KCTD17: variants seen among roughly 807,000 people sequenced by gnomAD.
The protein encoded by KCTD17 is BTB/POZ domain-containing protein KCTD17.
In KCTD17, 20 loss-of-function variants were observed where a neutral mutation model predicts 41.5. The observed-to-expected ratio is 0.48, with a 90% CI of 0.34 to 0.70. The LOEUF is 0.70. Ranked by LOEUF, KCTD17 falls within the 30% of genes least tolerant of loss-of-function variation. KCTD17 has a pLI of 0.01. For synonymous variants in KCTD17, 156 were observed against 173.8 expected, an observed-to-expected ratio of 0.90 and a Z score of 0.80; for missense variants, 317 against 427.2, an observed-to-expected ratio of 0.74 and a Z score of 2.27.
rs1452677844 is a variant in KCTD17 at position 37,058,803 on chromosome 22, C to CCAT, written c.487-509_487-507dup. Among the ~76,000 whole-genome samples the CCAT allele has an allele frequency of 2.6e-4, 39 of 152,236 alleles. 1 individual carries two copies. The highest frequency in any genetic ancestry group is 2.6e-3 in the Admixed American group (39 of 15,286). On this transcript the variant is annotated intron_variant, in intron 4 of 8. Coordinates refer to ENST00000403888, the MANE Select transcript of KCTD17 (RefSeq NM_001282684.2). Reference sequence around the variant, plus strand: ...AGAGGCTGAGCAAGCAGGCCAGGGACCATTGGTCATTTGCCCTTTGGTCTC... The same window carrying CCAT: ...AGAGGCTGAGCAAGCAGGCCAGGGACCATCATTGGTCATTTGCCCTTTGGTCTC...
chr22:37,052,595 G>C (rs1264296145), intron 1 of KCTD17: 1 of 470,942 alleles, frequency 2.1e-6, no homozygotes, highest in East Asian at 6.9e-5. Context: ...TGTGGCCTTT[G>C]GCAAGTCGCC....
Position 37,061,264 on chromosome 22 carries a change from C to T in KCTD17, c.784+89C>T. On this transcript the variant is annotated intron_variant, in intron 7 of 8. Coordinates refer to ENST00000403888, the MANE Select transcript of KCTD17 (RefSeq NM_001282684.2). The surrounding 1 kb of genome is among the most constrained non-coding windows in gnomAD (Gnocchi z 6.6). ...CTCTCTGCCCCTGTCCGGGTTTTCTCTCTGCCTGCTCACGCCTCCATCCCG... is the reference window on the plus strand; with the variant it reads ...CTCTCTGCCCCTGTCCGGGTTTTCTTTCTGCCTGCTCACGCCTCCATCCCG... 1 of 1,541,640 alleles carries T rather than the reference C, an allele frequency of 6.5e-7. No individual in the cohort carries two copies. The highest frequency in any genetic ancestry group is 2.4e-5 in the East Asian group (1 of 40,914).
rs916017721 is a variant in KCTD17 at position 37,062,676 on chromosome 22, C to G, written c.*82C>G. On this transcript the variant is annotated 3_prime_UTR_variant, in exon 9 of 9. Transcript: ENST00000403888. ...CTCTCCCCGGCCTCCTCTGTCTGCA[C>G]CCGTGGGGCTGTGACTTACTCCTGC... 5.8e-6 allele frequency: 9 copies of G among 1,551,666 alleles called. No individual in the cohort carries two copies. The highest frequency in any genetic ancestry group is 7.8e-6 in the Non-Finnish European group (9 of 1,147,422).
Position 37,061,331 on chromosome 22 carries a change from C to A in KCTD17, c.784+156C>A, listed in dbSNP as rs1925755792. ...AGCCTCCCGTGCCCTCCACCCAGGCCCCCTGGCCCTGCATCCCAGAGCGTC... is the reference window on the plus strand; with the variant it reads ...AGCCTCCCGTGCCCTCCACCCAGGCACCCTGGCCCTGCATCCCAGAGCGTC... On this transcript the variant is annotated intron_variant, in intron 7 of 8. Transcript: ENST00000403888. The surrounding 1 kb of genome is among the most constrained non-coding windows in gnomAD (Gnocchi z 6.6). 1 of 1,492,148 alleles carries A rather than the reference C, an allele frequency of 6.7e-7. No individual in the cohort carries two copies. The allele number at this position is 1,492,148 out of a possible 1,614,324, so 92.4% of individuals were successfully genotyped here. A position where few individuals can be genotyped will look rare whatever the true frequency, so the allele number is the denominator to read the frequency against.
chr22:37,057,494 G>T lies in KCTD17; in HGVS notation c.486+1G>T. The T allele has an allele frequency of 6.2e-7, 1 of 1,609,604 alleles. No homozygotes were observed. Reference sequence around the variant, plus strand: ...GTCTGATGGCTGGCGCTTCGAGCAGGTGCGCTGGGGACAGGGGCGTGCCAC... The same window carrying T: ...GTCTGATGGCTGGCGCTTCGAGCAGTTGCGCTGGGGACAGGGGCGTGCCAC... On this transcript the variant is annotated splice_donor_variant, in intron 4 of 8. Coordinates refer to ENST00000403888, the MANE Select transcript of KCTD17 (RefSeq NM_001282684.2). LOFTEE classifies it high-confidence loss of function.
At chr22:37,052,064 G>C in intron 1 of KCTD17, 115 bp downstream of exon 1, 1 of 1,234,480 alleles carries the variant, frequency 8.1e-7, no homozygotes, top group Non-Finnish European at 1.0e-6. Context: ...TCATTTCCGA[G>C]GAACTGGAGG....
chr22:37,057,088 G>A (rs777171270), intron 3 of KCTD17, among the ~76,000 whole-genome samples: 2 of 152,268 alleles, frequency 1.3e-5, no homozygotes, highest in African/African-American at 2.4e-5. Flanking sequence ...TGAATTACCC[G>A]TGTTCCGGTT....
chr22:37,052,002 A>G, intron 1 of KCTD17, 53 bp downstream of exon 1: 2 of 1,292,690 alleles, frequency 1.5e-6, no homozygotes, highest in Non-Finnish European at 2.0e-6. Flanking sequence ...CGCTCGCCCG[A>G]CGCGGGGCTG....
rs1401842987 is a variant in KCTD17, at chr22:37,053,591, G to A, written c.298+383G>A. On this transcript the variant is annotated intron_variant, in intron 2 of 8. Coordinates refer to ENST00000403888, the MANE Select transcript of KCTD17 (RefSeq NM_001282684.2). This position sits in a 1 kb window ranked among gnomAD's most constrained non-coding sequence, Gnocchi z 4.1. ...AATGCAGTGTTGACAGGCATGGGGA[G>A]AGCTCTGTCTCTCTTTCTCTGGCTG... Among the ~76,000 whole-genome samples, 1 of 152,208 alleles carries A rather than the reference G, an allele frequency of 6.6e-6. No homozygotes were observed. Among genetic ancestry groups the A allele is most frequent in the African/African-American group, 2.4e-5 (1 of 41,448 alleles).
chr22:37,059,507 C>G (rs1032042940), intron 5 of KCTD17, 69 bp downstream of exon 5: 1 of 1,526,724 alleles, frequency 6.5e-7, no homozygotes, highest in African/African-American at 1.4e-5. Flanking sequence ...CCGCCTGTCC[C>G]GCCCCTGCGC....
rs201717740 is a variant in KCTD17 at position 37,054,012 on chromosome 22, C to T, written c.298+804C>T. On this transcript the variant is annotated intron_variant, in intron 2 of 8. Transcript: ENST00000403888. ...TCCACTGGTATCTATTCAATGGGGG[C>T]GGTGATCTGCCTTCTGGAGGGAGAT... Among the ~76,000 whole-genome samples the T allele has an allele frequency of 7.9e-5, 12 of 152,272 alleles. No individual in the cohort carries two copies. The East Asian group carries it at 2.1e-3, about 27-fold the overall frequency.
Position 37,062,687 on chromosome 22 carries a change from G to T in KCTD17, c.*93G>T. On this transcript the variant is annotated 3_prime_UTR_variant, in exon 9 of 9. Transcript: ENST00000403888. ...CTCCTCTGTCTGCACCCGTGGGGCTGTGACTTACTCCTGCCTCCAGGGGCG... is the reference window on the plus strand; with the variant it reads ...CTCCTCTGTCTGCACCCGTGGGGCTTTGACTTACTCCTGCCTCCAGGGGCG... The T allele has an allele frequency of 1.9e-6, 3 of 1,544,868 alleles. No homozygotes were observed. The South Asian group carries it at 3.6e-5, about 18-fold the overall frequency.
rs1051185197 is a variant in KCTD17 at position 37,053,263 on chromosome 22, G to A, written c.298+55G>A. On this transcript the variant is annotated intron_variant, in intron 2 of 8. Transcript: ENST00000403888. This position sits in a 1 kb window ranked among gnomAD's most constrained non-coding sequence, Gnocchi z 4.1. ...CTTATGCAGCCTGCCAGGGCCCTCTGTGGAGGCCCCAAGCCATTTGGACAA... is the reference window on the plus strand; with the variant it reads ...CTTATGCAGCCTGCCAGGGCCCTCTATGGAGGCCCCAAGCCATTTGGACAA... 7.4e-7 allele frequency: 1 copy of A among 1,352,504 alleles called. No individual in the cohort carries two copies. The highest frequency in any genetic ancestry group is 1.0e-6 in the Non-Finnish European group (1 of 966,646). The allele number at this position is 1,352,504 out of a possible 1,614,324, so 83.8% of individuals were successfully genotyped here. A position where few individuals can be genotyped will look rare whatever the true frequency, so the allele number is the denominator to read the frequency against.
At chr22:37,054,239 G>C (rs1924829873) in intron 2 of KCTD17, among the ~76,000 whole-genome samples, 1 of 152,174 alleles carries the variant, frequency 6.6e-6, no homozygotes, top group African/African-American at 2.4e-5. Flanking sequence ...GATACCATGG[G>C]CGTGGCCTAG....
At chr22:37,062,424 CGTCAATCTCCTCT>C in intron 8 of KCTD17, 88 bp from the exon 9 acceptor site, 21 of 1,357,172 alleles carry the variant, frequency 1.5e-5, no homozygotes, top group South Asian at 8.0e-5. Context: ...CTCCCCCACC[CGTCAATCTCCTCT>C]CCGCCCCCTT....
At chr22:37,062,460 C>T in intron 8 of KCTD17, 65 bp from the exon 9 acceptor site, 1 of 1,560,164 alleles carries the variant, frequency 6.4e-7, no homozygotes, top group Non-Finnish European at 8.7e-7. Flanking sequence ...CCTGCATCAC[C>T]CCCTCCTTAC....
chr22:37,059,673 A>C (rs1032075054), intron 5 of KCTD17, among the ~76,000 whole-genome samples: 1 of 152,140 alleles, frequency 6.6e-6, no homozygotes, highest in South Asian at 2.1e-4. Context: ...GTGGACTCAG[A>C]GGCTACATGA....
chr22:37,052,410 C>A lies in KCTD17; in HGVS notation c.189+461C>A, dbSNP rs535675385. 30 of 411,366 alleles carry A rather than the reference C, an allele frequency of 7.3e-5. 1 individual carries two copies. Among genetic ancestry groups the A allele is most frequent in the South Asian group, 4.4e-4 (25 of 57,106 alleles). 25.5% of individuals were successfully genotyped at this position (411,366 alleles called of 1,614,324 possible). A position where few individuals can be genotyped will look rare whatever the true frequency, so the allele number is the denominator to read the frequency against. ...GCTGAATCTAGAAGGAGCGTTGGCC[C>A]AGCGGGCACTATTTCTGAGCACCCA... On this transcript the variant is annotated intron_variant, in intron 1 of 8. Transcript: ENST00000403888.
At chr22:37,058,698 T>C (rs1485380234) in intron 4 of KCTD17, among the ~76,000 whole-genome samples, 1 of 152,070 alleles carries the variant, frequency 6.6e-6, no homozygotes, top group African/African-American at 2.4e-5. Context: ...TCTGTGGGCG[T>C]GGTTATTCTA....
Sources: allele counts gnomAD v4.1 joint callset (sites outside exome capture counted in the v4.1 genomes callset), GRCh38; gene constraint gnomAD v4.1.1; non-coding constraint Gnocchi (gnomAD v3.1); transcripts MANE v1.5; gene names NCBI Gene and HGNC (gene_info 2026-07-23, HGNC 2026-07-21).